The following NIPSNAP2 variants were observed in gnomAD, a reference collection of about 807,000 sequenced individuals.
The protein encoded by NIPSNAP2 is protein NipSnap homolog 2.
In NIPSNAP2, 42 loss-of-function variants were observed where a neutral mutation model predicts 48.4. That is an observed-to-expected ratio of 0.87 (90% confidence interval 0.68 to 1.12). NIPSNAP2 has a LOEUF of 1.12. NIPSNAP2 is among the 50% of genes most tolerant of loss of function. The probability of loss-of-function intolerance (pLI) is 0.00; values close to 1 mark genes in which losing one functional copy is unlikely to be tolerated. For synonymous variants in NIPSNAP2, 158 were observed against 126.6 expected, an observed-to-expected ratio of 1.25 and a Z score of -1.67; for missense variants, 314 against 347.3, an observed-to-expected ratio of 0.90 and a Z score of 0.76.
intron 5 of NIPSNAP2, among the ~76,000 whole-genome samples, chr7:55,982,994 A>C (rs1456837906): frequency 6.6e-6 from 1 of 151,164 alleles, no homozygotes; most frequent in Non-Finnish European, 1.5e-5. Context: ...ATGGTGGTGC[A>C]CAACTGTAAT....
chr7:55,997,957 GAAAA>G (rs955700446), intron 9 of NIPSNAP2, among the ~76,000 whole-genome samples: 2 of 152,154 alleles, frequency 1.3e-5, no homozygotes, highest in Admixed American at 1.3e-4. Context: ...ATTTTTAAAA[GAAAA>G]CAGTTGGCTG....
intron 7 of NIPSNAP2, among the ~76,000 whole-genome samples, chr7:55,994,581 C>G (rs374773241): frequency 6.6e-6 from 1 of 151,974 alleles, no homozygotes; most frequent in East Asian, 1.9e-4. Flanking sequence ...AGCATGGTGG[C>G]GGGTGCCTGT....
intron 7 of NIPSNAP2, among the ~76,000 whole-genome samples, chr7:55,987,603 G>C (rs1248999204): frequency 2.0e-5 from 3 of 152,188 alleles, no homozygotes; most frequent in Non-Finnish European, 4.4e-5. Context: ...CCTCCAGCCT[G>C]GCAACAGAGC....
At chr7:55,964,795 T>A in intron 1 of NIPSNAP2, 94 bp downstream of exon 1, 1 of 567,784 alleles carries the variant, frequency 1.8e-6, no homozygotes. Context: ...GCCCCGGCCC[T>A]GTCCCCAGCG....
At chr7:55,998,058 G>A (rs1049066414) in intron 9 of NIPSNAP2, among the ~76,000 whole-genome samples, 3 of 152,068 alleles carry the variant, frequency 2.0e-5, no homozygotes, top group African/African-American at 4.8e-5. Context: ...AGTGGCTCAC[G>A]CCTGTAATCC....
intron 3 of NIPSNAP2, chr7:55,979,130 GA>G (rs1292307646): frequency 1.3e-5 from 2 of 152,206 alleles, no homozygotes; most frequent in Non-Finnish European, 2.9e-5. Context: ...CTTTTTAGAA[GA>G]AAAACCTTTT....
At chr7:55,969,841 G>C (rs1169673983) in intron 1 of NIPSNAP2, among the ~76,000 whole-genome samples, 1 of 151,918 alleles carries the variant, frequency 6.6e-6, no homozygotes, top group African/African-American at 2.4e-5. Flanking sequence ...AAATTAGCCG[G>C]GCGTGGTGGT....
At chr7:55,989,366 T>G (rs572277287) in intron 7 of NIPSNAP2, among the ~76,000 whole-genome samples, 1 of 152,292 alleles carries the variant, frequency 6.6e-6, no homozygotes, top group Non-Finnish European at 1.5e-5. Context: ...GGCTCACACC[T>G]CTAATTCCAA....
chr7:55,979,951 T>C (rs1009974881), intron 3 of NIPSNAP2: 3 of 424,958 alleles, frequency 7.1e-6, no homozygotes, highest in Non-Finnish European at 1.4e-5. Context: ...TACAAATCCA[T>C]GCGTGACTTT....
intron 1 of NIPSNAP2, among the ~76,000 whole-genome samples, chr7:55,975,935 G>A (rs182366726): frequency 1.3e-5 from 2 of 152,294 alleles, no homozygotes; most frequent in African/African-American, 2.4e-5. Context: ...TACTCAGGAG[G>A]CTGAGGCGGG....
intron 7 of NIPSNAP2, among the ~76,000 whole-genome samples, chr7:55,990,141 A>T (rs1024829308): frequency 1.3e-4 from 19 of 151,982 alleles, no homozygotes; most frequent in African/African-American, 4.6e-4. Context: ...AATCTGAAGC[A>T]TACATCTATA....
chr7:55,968,400 T>TC (rs1401476050), intron 1 of NIPSNAP2, among the ~76,000 whole-genome samples: 47 of 151,020 alleles, frequency 3.1e-4, no homozygotes, highest in African/African-American at 1.1e-3. Context: ...TTTTTTTTTT[T>TC]CCTGAGACAG....
Position 55,994,970 on chromosome 7 carries a change from A to C in NIPSNAP2, c.694A>C (p.Met232Leu), listed in dbSNP as rs769512526. 1.9e-6 allele frequency: 3 copies of C among 1,613,850 alleles called. No individual in the cohort carries two copies. The highest frequency in any genetic ancestry group is 1.7e-6 in the Non-Finnish European group (2 of 1,179,830). ...GFFSQIGQLY[M>L]VHHLWAYRDL... ...CTTCTCTCAGATTGGGCAGCTGTAC[A>C]TGGTGCACCATCTTTGGGGTATCTG... The change falls in exon 8 of 10, where the codon ATG (methionine) becomes CTG (leucine). Residue 232 changes from methionine (M) to leucine (L), a missense_variant. Around this residue, in one of 2 missense-constraint regions of NIPSNAP2, gnomAD observed 116 missense variants for 161.8 expected, o/e 0.72. Coordinates refer to ENST00000322090, the MANE Select transcript of NIPSNAP2 (RefSeq NM_001483.3).
chr7:55,983,362 C>A (rs1429644591), intron 5 of NIPSNAP2, among the ~76,000 whole-genome samples: 1 of 152,166 alleles, frequency 6.6e-6, no homozygotes, highest in Non-Finnish European at 1.5e-5. Context: ...TGTATAGATT[C>A]CCAGACAAAT....
intron 7 of NIPSNAP2, among the ~76,000 whole-genome samples, chr7:55,986,593 CAG>C (rs1787333163): frequency 6.6e-6 from 1 of 151,728 alleles, no homozygotes; most frequent in Admixed American, 6.6e-5. Context: ...ACCTGGGAGA[CAG>C]AGGTTGTAGT....
intron 1 of NIPSNAP2, among the ~76,000 whole-genome samples, chr7:55,969,039 C>A (rs1412425179): frequency 6.7e-6 from 1 of 149,500 alleles, no homozygotes; most frequent in Non-Finnish European, 1.5e-5. Context: ...AGAACAAGGC[C>A]CTGTCTGAAA....
intron 1 of NIPSNAP2, among the ~76,000 whole-genome samples, chr7:55,973,261 A>G (rs916997146): frequency 6.6e-6 from 1 of 152,086 alleles, no homozygotes; most frequent in Non-Finnish European, 1.5e-5. Flanking sequence ...AGTAAACACA[A>G]ATTGGAAGCA....
intron 8 of NIPSNAP2, among the ~76,000 whole-genome samples, chr7:55,995,348 C>T (rs1487529242): frequency 6.6e-6 from 1 of 152,208 alleles, no homozygotes; most frequent in East Asian, 1.9e-4. Flanking sequence ...GCATTTTACC[C>T]AGAGCAGCAG....
At position 55,986,983 on chromosome 7, in the gene NIPSNAP2, T is replaced by TTA. The variant is rs1554343490; in HGVS notation, c.617+2105_617+2106insTA. Among the ~76,000 whole-genome samples, 76 of 54,796 alleles carry TTA rather than the reference T, an allele frequency of 1.4e-3. 6 individuals are homozygous for TTA. The highest frequency in any genetic ancestry group is 4.0e-3 in the South Asian group (5 of 1,246). 35.9% of individuals were successfully genotyped at this position (54,796 alleles called of 152,430 possible). On this transcript the variant is annotated intron_variant, in intron 7 of 9. Transcript: ENST00000322090. The stretch of plus-strand genomic sequence containing the variant: ...GCAACATGGTGAAACCCTGTCTCTA[T>TTA]AAAAAAAAAAAAAAAAAAAAAAAAA...
Sources: gnomAD v4.1 joint callset for allele counts (sites outside exome capture counted in the v4.1 genomes callset) on GRCh38, gnomAD v4.1.1 for gene constraint, gnomAD v4.1.1 regional missense constraint, MANE v1.5 for transcripts, NCBI Gene and HGNC (gene_info 2026-07-23, HGNC 2026-07-21) for gene names.